FAM120B: variants seen among roughly 807,000 people sequenced by gnomAD.
The protein encoded by FAM120B is constitutive coactivator of peroxisome proliferator-activated receptor gamma.
FAM120B carries 83 observed loss-of-function variants against 96.3 expected under a neutral mutation model. The observed-to-expected ratio is 0.86, with a 90% CI of 0.72 to 1.03. The LOEUF (loss-of-function observed/expected upper bound fraction) is 1.03. FAM120B is among the 50% of genes least tolerant of loss of function. The pLI is 0.00. For missense variants in FAM120B, 1,027 were observed against 1,121.2 expected (o/e 0.92, Z 1.20); for synonymous variants, 407 against 402.7 (o/e 1.01, Z -0.13).
intron 6 of FAM120B, among the ~76,000 whole-genome samples, chr6:170,371,945 T>C (rs568987828): frequency 2.6e-5 from 4 of 152,228 alleles, no homozygotes; most frequent in Non-Finnish European, 5.9e-5. Context: ...AATTCATCTT[T>C]TCTTGCCGTT....
At chr6:170,292,105 G>C (rs973869083), upstream of FAM120B, among the ~76,000 whole-genome samples, 2 of 152,196 alleles carry the variant, frequency 1.3e-5, no homozygotes, top group South Asian at 2.1e-4. This position sits in a 1 kb window ranked among gnomAD's most constrained non-coding sequence, Gnocchi z 6.6. Flanking sequence ...CCCTCCGCGC[G>C]CGCCGCGGCC....
chr6:170,388,111 G>T (rs958997), intron 6 of FAM120B, among the ~76,000 whole-genome samples, 176 bp from the exon 7 acceptor site: 133,009 of 152,222 alleles, frequency 0.87, 58,290 homozygotes, highest in East Asian at 0.94. Context: ...TGTTTCCAAG[G>T]CCTCTGTAAT....
chr6:170,397,797 A>G (rs1210570163), intron 9 of FAM120B, among the ~76,000 whole-genome samples: 2 of 152,142 alleles, frequency 1.3e-5, no homozygotes, highest in African/African-American at 4.8e-5. Context: ...CCTTGATGAC[A>G]TGAAAGCTGT....
chr6:170,396,629 C>T (rs1276783942), intron 9 of FAM120B, among the ~76,000 whole-genome samples: 1 of 152,078 alleles, frequency 6.6e-6, no homozygotes, highest in Non-Finnish European at 1.5e-5. Context: ...CCAGATGGCC[C>T]CACTGAACAC....
At chr6:170,295,302 G>C (rs1783970425), upstream of FAM120B, 13 of 665,538 alleles carry the variant, frequency 2.0e-5, no homozygotes, top group Admixed American at 2.7e-4. The surrounding 1 kb of genome is among the most constrained non-coding windows in gnomAD (Gnocchi z 7.8). Context: ...CACCCAAGTG[G>C]GTGCACAGAT....
intron 2 of FAM120B, among the ~76,000 whole-genome samples, chr6:170,322,594 T>C (rs865776060): frequency 1.3e-5 from 2 of 152,120 alleles, no homozygotes; most frequent in Non-Finnish European, 2.9e-5. Flanking sequence ...TGTGCAAGGC[T>C]AGAAAAAGGA....
chr6:170,341,097 G>T (rs531954264), intron 4 of FAM120B, among the ~76,000 whole-genome samples: 44 of 152,366 alleles, frequency 2.9e-4, no homozygotes, highest in Admixed American at 1.2e-3. Context: ...CACTGAAGCT[G>T]CACCCACAGC....
At chr6:170,293,800 C>G (rs1218588547), upstream of FAM120B, among the ~76,000 whole-genome samples, 1 of 150,026 alleles carries the variant, frequency 6.7e-6, no homozygotes, top group African/African-American at 2.5e-5. Flanking sequence ...CTCTCTCCCT[C>G]TCTCTTTAAA....
chr6:170,377,800 A>G (rs1179901692), intron 6 of FAM120B, among the ~76,000 whole-genome samples: 2 of 136,132 alleles, frequency 1.5e-5, no homozygotes, highest in African/African-American at 5.8e-5. Context: ...GATGCCTGGG[A>G]GAACACAGGC....
In FAM120B at chr6:170,318,366, A is replaced by C. The variant is rs145364557; in HGVS notation, c.976A>C (p.Lys326Gln). Reference protein sequence around the residue: ...QKPKGVITLDKQVISTSSDAE... With the variant: ...QKPKGVITLDQQVISTSSDAE... ...ACCCAAAGGTGTAATAACTTTGGAC[A>C]AACAAGTAATATCCACGAGTTCAGA... Residue 326 changes from lysine to glutamine, a missense_variant, in exon 2 of 11, where the codon AAA becomes CAA. Transcript: ENST00000476287. The C allele has an allele frequency of 6.2e-7, 1 of 1,614,246 alleles. No individual in the cohort carries two copies. The highest frequency in any genetic ancestry group is 8.5e-7 in the Non-Finnish European group (1 of 1,180,050).
chr6:170,297,019 T>G (rs900533904), intron 1 of FAM120B, among the ~76,000 whole-genome samples: 4 of 152,232 alleles, frequency 2.6e-5, no homozygotes, highest in Non-Finnish European at 5.9e-5. Flanking sequence ...TCACCCACGC[T>G]GGGCTCAGCT....
In FAM120B at chr6:170,318,448, T is replaced by A; in HGVS notation, c.1058T>A (p.Val353Asp). 29 of 1,607,512 alleles carry A rather than the reference T, an allele frequency of 1.8e-5. No individual in the cohort carries two copies. Among genetic ancestry groups the A allele is most frequent in the Non-Finnish European group, 2.1e-5 (25 of 1,175,664 alleles). Residue 353 changes from valine to aspartate, a missense_variant, in exon 2 of 11, where the codon GTT (valine) becomes GAT (aspartate). Coordinates refer to ENST00000476287, the MANE Select transcript of FAM120B (RefSeq NM_032448.3). ...TCAGATGCTGAATCCAGGCAAGAAG[T>A]TCCCATGTGTACAGGCCCTGAATCC... is the stretch of plus-strand genomic sequence containing the variant. ...MCSDAESRQEVPMCTGPESRR... is the reference protein window; with the variant it reads ...MCSDAESRQEDPMCTGPESRR...
intron 5 of FAM120B, among the ~76,000 whole-genome samples, chr6:170,357,289 G>A (rs1025542550): frequency 1.3e-5 from 2 of 152,130 alleles, no homozygotes; most frequent in African/African-American, 2.4e-5. Flanking sequence ...CGGTGGCTGG[G>A]AGAGGAATGT....
At chr6:170,358,045 C>CATG (rs921636035) in intron 5 of FAM120B, among the ~76,000 whole-genome samples, 181 bp from the exon 6 acceptor site, 1 of 151,520 alleles carries the variant, frequency 6.6e-6, no homozygotes, top group Non-Finnish European at 1.5e-5. Context: ...TGCGTGTACC[C>CATG]ATGTGTGTGC....
intron 9 of FAM120B, among the ~76,000 whole-genome samples, chr6:170,399,179 A>G (rs1778389320): frequency 6.8e-6 from 1 of 147,356 alleles, no homozygotes; most frequent in Non-Finnish European, 1.5e-5. Context: ...TGGGGAAGGT[A>G]GAACTATGTC....
At chr6:170,299,430 AGAG>A (rs1160084312) in intron 1 of FAM120B, among the ~76,000 whole-genome samples, 1 of 152,240 alleles carries the variant, frequency 6.6e-6, no homozygotes, top group African/African-American at 2.4e-5. Context: ...GATTATGATC[AGAG>A]TATTATAGGC....
At chr6:170,345,752 T>C (rs1486179778) in intron 4 of FAM120B, among the ~76,000 whole-genome samples, 1 of 152,218 alleles carries the variant, frequency 6.6e-6, no homozygotes, top group Admixed American at 6.5e-5. Flanking sequence ...TCTAAGCCCA[T>C]CTCATGGAGT....
intron 6 of FAM120B, among the ~76,000 whole-genome samples, chr6:170,377,875 C>T (rs538187889): frequency 9.5e-6 from 1 of 105,458 alleles, no homozygotes; most frequent in Non-Finnish European, 1.9e-5. Context: ...CACCGGCTCA[C>T]GCTGCTCGGT....
intron 1 of FAM120B, among the ~76,000 whole-genome samples, chr6:170,315,395 G>A (rs1323641223): frequency 6.6e-6 from 1 of 152,062 alleles, no homozygotes; most frequent in African/African-American, 2.4e-5. Flanking sequence ...TACTCTGTTG[G>A]AATAACAAAT....
Sources: gnomAD v4.1 joint callset for allele counts (sites outside exome capture counted in the v4.1 genomes callset) on GRCh38, gnomAD v4.1.1 for gene constraint, Gnocchi (gnomAD v3.1) non-coding constraint, MANE v1.5 for transcripts, NCBI Gene and HGNC (gene_info 2026-07-23, HGNC 2026-07-21) for gene names.